The following IGSF11 variants were observed in gnomAD, a reference collection of about 807,000 sequenced individuals.
The protein encoded by IGSF11 is CXADR like 1.
Under a neutral mutation model 41.0 loss-of-function variants are expected in IGSF11, and 22 were observed. That is an observed-to-expected ratio of 0.54 (90% CI 0.38 to 0.77). IGSF11 has a LOEUF of 0.77. Among genes scored for constraint, IGSF11 ranks in the 30% least tolerant of loss-of-function variants. The pLI is 0.00. For synonymous variants in IGSF11, 219 were observed against 201.3 expected (o/e 1.09, Z -0.74); for missense variants, 444 against 530.8 (o/e 0.84, Z 1.61).
intron 1 of IGSF11, among the ~76,000 whole-genome samples, chr3:119,042,818 C>T (rs1278724707): frequency 6.6e-6 from 1 of 152,192 alleles, no homozygotes; most frequent in Non-Finnish European, 1.5e-5. Flanking sequence ...TCAGCTGGTG[C>T]TCTCTTGAAA....
chr3:119,048,667 T>C (rs1019587209), intron 1 of IGSF11, among the ~76,000 whole-genome samples: 3 of 151,988 alleles, frequency 2.0e-5, no homozygotes, highest in African/African-American at 7.3e-5. Flanking sequence ...ATCATTCTGA[T>C]ACCAAAGCCA....
intron 1 of IGSF11, among the ~76,000 whole-genome samples, chr3:118,960,123 A>T (rs1221469627): frequency 6.6e-6 from 1 of 152,174 alleles, no homozygotes; most frequent in Non-Finnish European, 1.5e-5. Flanking sequence ...CTCAGTCCTT[A>T]AAGTTAAGGC....
rs933538304 is a variant in IGSF11, at chr3:119,047,258, T to C, written c.49+57886A>G. Among the ~76,000 whole-genome samples, 8 of 152,042 alleles carry C rather than the reference T, an allele frequency of 5.3e-5. No individual in the cohort carries two copies. In the South Asian group the frequency reaches 8.3e-4, roughly 16 times the overall value. On this transcript the variant is annotated intron_variant, in intron 1 of 6. Transcript: ENST00000354673. ...TGCTGTATTCAGGAAACCCATCTCA[T>C]GTGCAGAGACACACATTGGCTCAAA...
chr3:119,117,906 T>C (rs2077280123), intron 1 of IGSF11, among the ~76,000 whole-genome samples: 1 of 152,218 alleles, frequency 6.6e-6, no homozygotes. Context: ...CAGTCAAATC[T>C]TAAAGCTCCA....
At chr3:118,940,897 T>A in intron 1 of IGSF11, among the ~76,000 whole-genome samples, 2 of 124,704 alleles carry the variant, frequency 1.6e-5, no homozygotes, top group African/African-American at 6.6e-5. Flanking sequence ...GAAAAAATAA[T>A]CTCCATATGC....
intron 1 of IGSF11, among the ~76,000 whole-genome samples, chr3:119,143,790 C>T (rs34520312): frequency 0.12 from 17,774 of 151,988 alleles, 1,212 homozygotes; most frequent in Non-Finnish European, 0.14. Context: ...CAAATAATAA[C>T]CAAAAGAGAG....
intron 1 of IGSF11, among the ~76,000 whole-genome samples, chr3:118,933,566 G>A (rs1403741398): frequency 6.6e-6 from 1 of 151,148 alleles, no homozygotes; most frequent in Non-Finnish European, 1.5e-5. Flanking sequence ...TCATTTTACA[G>A]AAGAATAGAA....
rs540887083 is a variant in IGSF11 at position 119,003,902 on chromosome 3, A to T, written c.52+30629T>A. The stretch of plus-strand genomic sequence containing the variant: ...GAGGATTTTTGCATCGATATTCATC[A>T]AGGATATTGGTCTAATATTCTCTTT... On this transcript the variant is annotated intron_variant, in intron 1 of 6. Coordinates refer to ENST00000393775, the MANE Select transcript of IGSF11 (RefSeq NM_001015887.3). Among the ~76,000 whole-genome samples, 3 of 148,814 alleles carry T rather than the reference A, an allele frequency of 2.0e-5. No homozygotes were observed. In the South Asian group the frequency reaches 6.5e-4, roughly 32 times the overall value.
chr3:118,906,903 A>C (rs1171400792), intron 4 of IGSF11, among the ~76,000 whole-genome samples: 2 of 152,172 alleles, frequency 1.3e-5, no homozygotes, highest in Admixed American at 6.5e-5. Flanking sequence ...TAGATGTTTA[A>C]TAAGATTACA....
At chr3:118,924,415 T>G (rs1224833141) in intron 4 of IGSF11, among the ~76,000 whole-genome samples, 1 of 152,154 alleles carries the variant, frequency 6.6e-6, no homozygotes, top group Admixed American at 6.5e-5. Flanking sequence ...AGCAATATTC[T>G]ATTTTGAGAT....
chr3:118,982,518 G>C (rs1934836560), intron 1 of IGSF11, among the ~76,000 whole-genome samples: 1 of 152,060 alleles, frequency 6.6e-6, no homozygotes, highest in Admixed American at 6.5e-5. Context: ...TTTAAAGAAA[G>C]AAAATTCTAT....
At chr3:119,038,378 T>C (rs911577168), upstream of IGSF11, among the ~76,000 whole-genome samples, 3 of 152,188 alleles carry the variant, frequency 2.0e-5, no homozygotes, top group Non-Finnish European at 4.4e-5. Flanking sequence ...CATTCCTAGA[T>C]AGGATTTACA....
chr3:119,134,183 C>G (rs2077524112), intron 1 of IGSF11, among the ~76,000 whole-genome samples: 2 of 147,794 alleles, frequency 1.4e-5, no homozygotes, highest in Admixed American at 1.3e-4. Context: ...CTCACCACTC[C>G]TTTTCAACAT....
At chr3:119,128,428 GC>G (rs1301599635) in intron 1 of IGSF11, among the ~76,000 whole-genome samples, 4 of 152,006 alleles carry the variant, frequency 2.6e-5, no homozygotes, top group African/African-American at 9.7e-5. Context: ...ATGTAACTGG[GC>G]TAAATGCCCT....
chr3:118,999,901 C>G (rs1576597443), intron 1 of IGSF11, among the ~76,000 whole-genome samples: 1 of 151,796 alleles, frequency 6.6e-6, no homozygotes, highest in East Asian at 1.9e-4. Flanking sequence ...CAACCGACAC[C>G]CAGAGTTGTT....
In IGSF11 at chr3:119,115,255, G is replaced by A. The variant is rs575607456; in HGVS notation, c.-13-10050C>T. ...ATACATTGGGTTTCCTTGCTTTGGGGTATATACCTAGCAGTGGGATTACTG... is the reference window on the plus strand; with the variant it reads ...ATACATTGGGTTTCCTTGCTTTGGGATATATACCTAGCAGTGGGATTACTG... On this transcript the variant is annotated intron_variant, in intron 1 of 7. Transcript: ENST00000425327. 1.1e-3 allele frequency among the ~76,000 whole-genome samples: 162 copies of A among 152,276 alleles called. 1 individual carries two copies. The highest frequency in any genetic ancestry group is 2.2e-3 in the Non-Finnish European group (149 of 68,012).
intron 1 of IGSF11, among the ~76,000 whole-genome samples, chr3:119,055,950 T>A (rs1017020908): frequency 6.6e-6 from 1 of 152,082 alleles, no homozygotes; most frequent in Non-Finnish European, 1.5e-5. Context: ...CATACCAGAA[T>A]CTCTGGGACA....
At chr3:119,127,077 TATG>T (rs1338643383) in intron 1 of IGSF11, among the ~76,000 whole-genome samples, 1 of 152,020 alleles carries the variant, frequency 6.6e-6, no homozygotes, top group African/African-American at 2.4e-5. Context: ...ACTAAAAAAC[TATG>T]ATGAGTTAAA....
At chr3:118,975,178 A>G (rs1933930633) in intron 1 of IGSF11, among the ~76,000 whole-genome samples, 1 of 152,160 alleles carries the variant, frequency 6.6e-6, no homozygotes, top group Non-Finnish European at 1.5e-5. Context: ...CCTATTGAAG[A>G]GATTTTGCCT....
Sources: allele counts gnomAD v4.1 joint callset (sites outside exome capture counted in the v4.1 genomes callset), GRCh38; gene constraint gnomAD v4.1.1; transcripts MANE v1.5; gene names NCBI Gene and HGNC (gene_info 2026-07-23, HGNC 2026-07-21).